MKNK1: variants seen among roughly 807,000 people sequenced by gnomAD.
MKNK1 encodes the protein MAPK interacting serine/threonine kinase 1.
A neutral mutation model predicts 49.3 loss-of-function variants in MKNK1; 30 were observed. That is an observed-to-expected ratio of 0.61 (90% CI 0.46 to 0.83). MKNK1 has a LOEUF of 0.83. MKNK1 is among the 40% of genes least tolerant of loss of function. The pLI is 0.00. For missense variants in MKNK1, 423 were observed against 524.7 expected, an observed-to-expected ratio of 0.81 and a Z score of 1.89; for synonymous variants, 176 against 201.7, an observed-to-expected ratio of 0.87 and a Z score of 1.08.
intron 1 of MKNK1, chr1:46,594,869 T>C (rs912096931): frequency 2.2e-5 from 9 of 416,096 alleles, no homozygotes; most frequent in African/African-American, 1.9e-4. Context: ...GGCACACACC[T>C]GTAGCTGCTT....
intron 5 of MKNK1, 92 bp from the exon 6 acceptor site, chr1:46,575,112 C>A (rs1362969836): frequency 3.7e-6 from 3 of 818,760 alleles, no homozygotes; most frequent in Non-Finnish European, 5.8e-6. Context: ...AAAAAATATA[C>A]AACACCTGGT....
chr1:46,576,749 T>G, intron 4 of MKNK1, 95 bp from the exon 5 acceptor site: 1 of 1,042,088 alleles, frequency 9.6e-7, no homozygotes, highest in Non-Finnish European at 1.5e-6. Context: ...CCACACTCAG[T>G]CCAAATCCAG....
intron 12 of MKNK1, 120 bp downstream of exon 12, chr1:46,560,114 G>C: frequency 9.2e-7 from 1 of 1,088,184 alleles, no homozygotes; most frequent in South Asian, 1.3e-5. Context: ...AGGGGAAATG[G>C]GCAGGGAGCC....
At chr1:46,603,317 T>A (rs1192831714) in intron 1 of MKNK1, among the ~76,000 whole-genome samples, 1 of 152,142 alleles carries the variant, frequency 6.6e-6, no homozygotes, top group East Asian at 1.9e-4. Context: ...CAGGGTCAGT[T>A]CCATCTGTAA....
At chr1:46,601,073 T>G (rs11211320) in intron 1 of MKNK1, among the ~76,000 whole-genome samples, 1 of 151,994 alleles carries the variant, frequency 6.6e-6, no homozygotes, top group East Asian at 1.9e-4. Context: ...CCCACCACCA[T>G]GCACAGCTAA....
At chr1:46,578,199 G>A (rs1040050348) in intron 4 of MKNK1, among the ~76,000 whole-genome samples, 2 of 152,216 alleles carry the variant, frequency 1.3e-5, no homozygotes, top group Admixed American at 1.3e-4. Context: ...GCAGAACATG[G>A]ACAACTATCT....
intron 6 of MKNK1, among the ~76,000 whole-genome samples, chr1:46,573,181 C>T (rs1479133647): frequency 6.6e-6 from 1 of 152,190 alleles, no homozygotes; most frequent in Admixed American, 6.5e-5. Flanking sequence ...AGGGGTGAGG[C>T]CAGGACTTAG....
intron 2 of MKNK1, among the ~76,000 whole-genome samples, chr1:46,591,533 G>A (rs1032746863): frequency 2.0e-5 from 3 of 152,154 alleles, no homozygotes; most frequent in Non-Finnish European, 4.4e-5. Context: ...GGAGAATGAA[G>A]TGTGTGCTGA....
chr1:46,564,965 C>T, intron 9 of MKNK1, 76 bp downstream of exon 9: 3 of 1,399,930 alleles, frequency 2.1e-6, no homozygotes, highest in South Asian at 1.2e-5. Context: ...CATCCTTAAC[C>T]CTCTGTTCTG....
At chr1:46,567,537 C>T (rs1425446570) in intron 8 of MKNK1, among the ~76,000 whole-genome samples, 1 of 152,218 alleles carries the variant, frequency 6.6e-6, no homozygotes, top group Non-Finnish European at 1.5e-5. Context: ...AGGTCTACGA[C>T]AGAATCAGTG....
At chr1:46,591,235 T>G (rs1361934977) in intron 2 of MKNK1, among the ~76,000 whole-genome samples, 1 of 152,178 alleles carries the variant, frequency 6.6e-6, no homozygotes, top group Admixed American at 6.5e-5. Context: ...TGCAAGGGGC[T>G]AAGGTATTCT....
chr1:46,568,613 T>A, intron 7 of MKNK1, 115 bp from the exon 8 acceptor site: 2 of 1,017,794 alleles, frequency 2.0e-6, no homozygotes, highest in Non-Finnish European at 3.0e-6. Context: ...CCAATTATGG[T>A]ACATTAAAAA....
chr1:46,586,573 T>C (rs1672603864), intron 2 of MKNK1, among the ~76,000 whole-genome samples: 1 of 152,114 alleles, frequency 6.6e-6, no homozygotes, highest in South Asian at 2.1e-4. Flanking sequence ...CCATCAGAAA[T>C]TGCACTGAAA....
At chr1:46,576,489 T>G in intron 5 of MKNK1, 86 bp downstream of exon 5, 1 of 1,115,254 alleles carries the variant, frequency 9.0e-7, no homozygotes, top group East Asian at 2.4e-5. Flanking sequence ...AGCTAAATGC[T>G]GGAGTCAGGA....
At chr1:46,582,770 A>G (rs1324971416) in intron 3 of MKNK1, 1 of 420,814 alleles carries the variant, frequency 2.4e-6, no homozygotes, top group African/African-American at 2.1e-5. Flanking sequence ...TCAAACACAC[A>G]CAGCATAAGT....
intron 2 of MKNK1, chr1:46,584,492 T>G (rs1271828715): frequency 1.3e-5 from 2 of 151,036 alleles, no homozygotes; most frequent in African/African-American, 2.5e-5. Context: ...TGTTGGTGTT[T>G]TTTTTTTTTT....
At chr1:46,585,100 A>G (rs1003264629) in intron 2 of MKNK1, among the ~76,000 whole-genome samples, 1 of 151,660 alleles carries the variant, frequency 6.6e-6, no homozygotes, top group Non-Finnish European at 1.5e-5. Context: ...AAATACAAAA[A>G]TTAGCTGGGT....
Position 46,561,530 on chromosome 1 carries a change from G to T in MKNK1, c.917C>A (p.Ala306Glu). 1 of 1,614,172 alleles carries T rather than the reference G, an allele frequency of 6.2e-7. No individual in the cohort carries two copies. The highest frequency in any genetic ancestry group is 1.1e-5 in the South Asian group (1 of 91,080). ...DLISKLLVRD[A>E]KQRLSAAQVL... is the part of the protein sequence containing the mutation. The stretch of plus-strand genomic sequence containing the variant: ...TTGGGCGGCGCTAAGTCTCTGCTTT[G>T]CATCTCGCACCAGGAGCTTGGAGAT... The change falls in exon 11 of 13, where the codon GCA (alanine) becomes GAA (glutamate). Residue 306 changes from alanine (A) to glutamate (E), a missense_variant. Coordinates refer to ENST00000371945, the MANE Select transcript of MKNK1 (RefSeq NM_001135553.4).
intron 9 of MKNK1, among the ~76,000 whole-genome samples, chr1:46,564,067 G>A (rs944372646): frequency 1.5e-5 from 1 of 66,314 alleles, no homozygotes; most frequent in Non-Finnish European, 3.4e-5. Flanking sequence ...AAAAAAAAAG[G>A]GTTATTAGGA....
Sources: allele counts gnomAD v4.1 joint callset (sites outside exome capture counted in the v4.1 genomes callset), GRCh38; gene constraint gnomAD v4.1.1; transcripts MANE v1.5; gene names NCBI Gene and HGNC (gene_info 2026-07-23, HGNC 2026-07-21).